CENPB: variants seen among roughly 807,000 people sequenced by gnomAD.
CENPB encodes major centromere autoantigen B.
Under a neutral mutation model 41.9 loss-of-function variants are expected in CENPB, and 19 were observed. That is an observed-to-expected ratio of 0.45 (90% CI 0.32 to 0.67). The LOEUF (loss-of-function observed/expected upper bound fraction) is 0.67. Among genes scored for constraint, CENPB ranks in the 30% least tolerant of loss-of-function variants. The pLI, the probability that CENPB is intolerant of heterozygous loss-of-function variation, is 0.04. For missense variants in CENPB, 614 were observed against 816.2 expected (o/e 0.75, Z 3.02); for synonymous variants, 399 against 354.4 (o/e 1.13, Z -1.41).
In CENPB at chr20:3,785,455, G is replaced by A. The variant is rs773378239; in HGVS notation, c.1029C>T (p.Leu343=). The A allele has an allele frequency of 1.3e-6, 2 of 1,589,698 alleles. No individual in the cohort carries two copies. Among genetic ancestry groups the A allele is most frequent in the Non-Finnish European group, 1.7e-6 (2 of 1,168,464 alleles). The change falls in exon 1 of 1, where the codon CTC becomes CTT. Residue 343 remains leucine, a synonymous_variant. Coordinates refer to ENST00000379751, the MANE Select transcript of CENPB (RefSeq NM_001810.6). The part of the protein sequence containing the change: ...VKGHYRQAML[L]KAMAALEGQD... Reference sequence around the variant, plus strand: ...GGCCCTCTAGCGCGGCCATGGCCTTGAGCAGCATGGCCTGGCGGTAGTGGC... The same window carrying A: ...GGCCCTCTAGCGCGGCCATGGCCTTAAGCAGCATGGCCTGGCGGTAGTGGC...
chr20:3,785,101 C>T lies in CENPB; in HGVS notation c.1383G>A (p.Glu461=), dbSNP rs1419621208. Residue 461 remains glutamate, a synonymous_variant, in exon 1 of 1, where the codon GAG becomes GAA. Coordinates refer to ENST00000379751, the MANE Select transcript of CENPB (RefSeq NM_001810.6). ...CCTCCGAGGAGCTCTCCTCATCTTC[C>T]TCCTCTTCTTCATCACTATCAACAT... ...EGDVDSDEEE[E]EDEESSSEGL... The T allele has an allele frequency of 8.7e-6, 14 of 1,610,530 alleles. No individual in the cohort carries two copies. Among genetic ancestry groups the T allele is most frequent in the Admixed American group, 3.4e-5 (2 of 59,636 alleles).
Position 3,786,213 on chromosome 20 carries a change from C to T in CENPB, c.271G>A (p.Ala91Thr). The T allele has an allele frequency of 1.2e-6, 2 of 1,602,088 alleles. No individual in the cohort carries two copies. Among genetic ancestry groups the T allele is most frequent in the Non-Finnish European group, 1.7e-6 (2 of 1,179,396 alleles). Residue 91 changes from alanine (A) to threonine (T), a missense_variant, in exon 1 of 1, where the codon GCC becomes ACC. This residue lies in a region of CENPB where 77 missense variants were observed against 186.8 expected (regional missense o/e 0.41). Coordinates refer to ENST00000379751, the MANE Select transcript of CENPB (RefSeq NM_001810.6). ...LIAWFQQIRA[A>T]GLPVKGIILK... The stretch of plus-strand genomic sequence containing the variant: ...ATGATGCCCTTGACCGGCAGGCCGG[C>T]GGCGCGGATCTGCTGGAACCAGGCG...
chr20:3,784,604 G>C lies in CENPB; in HGVS notation c.*80C>G. Reference sequence around the variant, plus strand: ...CTGGGGCTCTGCACTCTGGCTCCATGCACAGCGGGTGCCCAGAGAGTCCTC... The same window carrying C: ...CTGGGGCTCTGCACTCTGGCTCCATCCACAGCGGGTGCCCAGAGAGTCCTC... On this transcript the variant is annotated 3_prime_UTR_variant, in exon 1 of 1. Coordinates refer to ENST00000379751, the MANE Select transcript of CENPB (RefSeq NM_001810.6). This position sits in a 1 kb window ranked among gnomAD's most constrained non-coding sequence, Gnocchi z 5.2. The C allele has an allele frequency of 6.6e-7, 1 of 1,517,572 alleles. No homozygotes were observed. Among genetic ancestry groups the C allele is most frequent in the Non-Finnish European group, 9.0e-7 (1 of 1,110,220 alleles). 94.0% of individuals were successfully genotyped at this position (1,517,572 alleles called of 1,614,324 possible).
chr20:3,784,869 C>A lies in CENPB; in HGVS notation c.1615G>T (p.Val539Leu), dbSNP rs779328212. 1.5e-5 allele frequency: 25 copies of A among 1,614,004 alleles called. 1 individual carries two copies. The South Asian group carries it at 2.3e-4, about 15-fold the overall frequency. ...GCCTCCCCAAAGCTGGGTACAGGCA[C>A]CTCATCACCATCCTCCTCATCATCA... ...DDDDEEDGDE[V>L]PVPSFGEAMA... Residue 539 changes from valine (V) to leucine (L), a missense_variant, in exon 1 of 1, where the codon GTG becomes TTG. Coordinates refer to ENST00000379751, the MANE Select transcript of CENPB (RefSeq NM_001810.6). This position sits in a 1 kb window ranked among gnomAD's most constrained non-coding sequence, Gnocchi z 5.2.
In CENPB at chr20:3,784,929, C is replaced by G. The variant is rs1167453032; in HGVS notation, c.1555G>C (p.Asp519His). 5.0e-6 allele frequency: 8 copies of G among 1,613,840 alleles called. No individual in the cohort carries two copies. The highest frequency in any genetic ancestry group is 6.8e-6 in the Non-Finnish European group (8 of 1,179,746). Reference protein sequence around the residue: ...DSDSDSEEEDDEEEDDEDEDD... With the variant: ...DSDSDSEEEDHEEEDDEDEDD... ...TCATCTTCATCATCCTCTTCCTCAT[C>G]GTCCTCTTCCTCACTGTCTGAATCA... Residue 519 changes from aspartate (D) to histidine (H), a missense_variant, in exon 1 of 1, where the codon GAT (aspartate) becomes CAT (histidine). This residue lies in a region of CENPB where 537 missense variants were observed against 629.4 expected (regional missense o/e 0.85). Transcript: ENST00000379751. This position sits in a 1 kb window ranked among gnomAD's most constrained non-coding sequence, Gnocchi z 5.2.
chr20:3,784,242 T>G lies in CENPB; in HGVS notation c.*442A>C. 5.4e-6 allele frequency: 1 copy of G among 185,010 alleles called. No individual in the cohort carries two copies. The highest frequency in any genetic ancestry group is 1.2e-5 in the Non-Finnish European group (1 of 86,620). The allele number at this position is 185,010 out of a possible 1,614,324, so 11.5% of individuals were successfully genotyped here. Reference sequence around the variant, plus strand: ...GGGGCTGCCAGCCTTGCAGGGGGCCTAGGCTGGACCTTCTTCTGGAGCCCT... The same window carrying G: ...GGGGCTGCCAGCCTTGCAGGGGGCCGAGGCTGGACCTTCTTCTGGAGCCCT... On this transcript the variant is annotated 3_prime_UTR_variant, in exon 1 of 1. Coordinates refer to ENST00000379751, the MANE Select transcript of CENPB (RefSeq NM_001810.6). This position sits in a 1 kb window ranked among gnomAD's most constrained non-coding sequence, Gnocchi z 5.2.
chr20:3,784,685 C>G lies in CENPB; in HGVS notation c.1799G>C (p.Ter600SerextTer38), dbSNP rs767027838. Reference protein sequence around the residue: ...AGVRGLGHQS* With the variant: ...AGVRGLGHQSS ...GGGGGCACAGCTAGGTCCAGTGACT[C>G]AGCTTTGATGTCCAAGACCTCGAAC... is the stretch of plus-strand genomic sequence containing the variant. The change falls in exon 1 of 1, where the codon TGA (stop) becomes TCA (serine). Residue 600 changes from the stop codon to serine (S), a stop_lost. Coordinates refer to ENST00000379751, the MANE Select transcript of CENPB (RefSeq NM_001810.6). The surrounding 1 kb of genome is among the most constrained non-coding windows in gnomAD (Gnocchi z 5.2). 1 of 1,613,852 alleles carries G rather than the reference C, an allele frequency of 6.2e-7. No homozygotes were observed. Among genetic ancestry groups the G allele is most frequent in the Non-Finnish European group, 8.5e-7 (1 of 1,179,886 alleles).
rs1219717855 is a variant in CENPB at position 3,785,920 on chromosome 20, C to A, written c.564G>T (p.Ser188=). Residue 188 remains serine, a synonymous_variant, in exon 1 of 1, where the codon TCG becomes TCT. Transcript: ENST00000379751. ...QPPSVAEGYA[S]QDVFSATETS... ...TCTCGGTGGCGCTGAACACGTCCTG[C>A]GAGGCGTAGCCCTCGGCCACCGACG... 3.8e-6 allele frequency: 6 copies of A among 1,594,950 alleles called. No homozygotes were observed. The highest frequency in any genetic ancestry group is 5.1e-6 in the Non-Finnish European group (6 of 1,174,088).
rs975691838 is a variant in CENPB, at chr20:3,786,048, C to T, written c.436G>A (p.Ala146Thr). The T allele has an allele frequency of 4.0e-6, 6 of 1,491,564 alleles. No individual in the cohort carries two copies. Among genetic ancestry groups the T allele is most frequent in the Non-Finnish European group, 5.3e-6 (6 of 1,135,476 alleles). 92.4% of individuals were successfully genotyped at this position (1,491,564 alleles called of 1,614,324 possible). A position where few individuals can be genotyped will look rare whatever the true frequency, so the allele number is the denominator to read the frequency against. The change falls in exon 1 of 1, where the codon GCT becomes ACT. Residue 146 changes from alanine to threonine, a missense_variant. Around this residue, in one of 2 missense-constraint regions of CENPB, gnomAD observed 537 missense variants for 629.4 expected, o/e 0.85. Transcript: ENST00000379751. ...SGVARARARN[A>T]APRTPAAPAS... The stretch of plus-strand genomic sequence containing the variant: ...GGCGCCGCCGGGGTGCGGGGGGCAG[C>T]GTTTCGCGCGCGGGCGCGGGCCACG...
In CENPB at chr20:3,786,667, C is replaced by T. The variant is rs866656349; in HGVS notation, c.-184G>A. The T allele has an allele frequency of 3.2e-3, 472 of 145,990 alleles. 1 individual carries two copies. Among genetic ancestry groups the T allele is most frequent in the Middle Eastern group, 0.025 (7 of 280 alleles). 9.0% of individuals were successfully genotyped at this position (145,990 alleles called of 1,614,324 possible). A position where few individuals can be genotyped will look rare whatever the true frequency, so the allele number is the denominator to read the frequency against. ...CCGGGGGCACCTCCGGGGACGCCGG[C>T]GGGCGCGTCGCCGGGCGGCGGGCGG... On this transcript the variant is annotated 5_prime_UTR_variant, in exon 1 of 1. Coordinates refer to ENST00000379751, the MANE Select transcript of CENPB (RefSeq NM_001810.6).
Position 3,785,570 on chromosome 20 carries a change from T to A in CENPB, c.914A>T (p.Asp305Val). Residue 305 changes from aspartate to valine, a missense_variant, in exon 1 of 1, where the codon GAC (aspartate) becomes GTC (valine). By Grantham distance (152) the Asp-to-Val change is radical. Coordinates refer to ENST00000379751, the MANE Select transcript of CENPB (RefSeq NM_001810.6). ...CTGCACATGCCGCAGGCCCGAGGTGTCCAAGGACTGGGCAGCCAAGCGGCC... is the reference window on the plus strand; with the variant it reads ...CTGCACATGCCGCAGGCCCGAGGTGACCAAGGACTGGGCAGCCAAGCGGCC... ...LAGRLAAQSLDTSGLRHVQLA... is the reference protein window; with the variant it reads ...LAGRLAAQSLVTSGLRHVQLA... 1 of 1,601,014 alleles carries A rather than the reference T, an allele frequency of 6.2e-7. No homozygotes were observed.
Position 3,784,574 on chromosome 20 carries a change from A to T in CENPB, c.*110T>A. On this transcript the variant is annotated 3_prime_UTR_variant, in exon 1 of 1. Transcript: ENST00000379751. This position sits in a 1 kb window ranked among gnomAD's most constrained non-coding sequence, Gnocchi z 5.2. ...GCAGGACCAGGGGAAGCATTACTAA[A>T]GGATCTGGGGCTCTGCACTCTGGCT... The T allele has an allele frequency of 7.6e-7, 1 of 1,310,198 alleles. No individual in the cohort carries two copies. The highest frequency in any genetic ancestry group is 1.5e-5 in the African/African-American group (1 of 67,972). The allele number at this position is 1,310,198 out of a possible 1,614,324, so 81.2% of individuals were successfully genotyped here.
At position 3,786,091 on chromosome 20, in the gene CENPB, G is replaced by T; in HGVS notation, c.393C>A (p.Gly131=). ...GGGCCACGCCGCTGCAGGACACCAC[G>T]CCGTGGCGCCGGCGGAAGCGGTCCA... The part of the protein sequence containing the change: ...GWLDRFRRRH[G]VVSCSGVARA... The change falls in exon 1 of 1, where the codon GGC becomes GGA. Residue 131 remains glycine (G), a synonymous_variant. Coordinates refer to ENST00000379751, the MANE Select transcript of CENPB (RefSeq NM_001810.6). 6.3e-7 allele frequency: 1 copy of T among 1,592,560 alleles called. No individual in the cohort carries two copies.
At position 3,785,188 on chromosome 20, in the gene CENPB, CTCCTCCTCCCCT is replaced by C. The variant is rs1349440817; in HGVS notation, c.1284_1295del (p.Gly429_Glu432del). On this transcript the variant is annotated inframe_deletion, in exon 1 of 1. Transcript: ENST00000379751. ...CCTCTCCTTCCCCCCCTTCCTCCTC[CTCCTCCTCCCCT>C]TCCTCCTCCTCTTCCTCTCCTTCAC... is the stretch of plus-strand genomic sequence containing the variant. 1.5e-6 allele frequency: 2 copies of C among 1,307,940 alleles called. No homozygotes were observed. The highest frequency in any genetic ancestry group is 2.0e-6 in the Non-Finnish European group (2 of 991,914). The allele number at this position is 1,307,940 out of a possible 1,614,324, so 81.0% of individuals were successfully genotyped here. A position where few individuals can be genotyped will look rare whatever the true frequency, so the allele number is the denominator to read the frequency against.
Position 3,786,317 on chromosome 20 carries a change from T to A in CENPB, c.167A>T (p.Glu56Val). Residue 56 changes from glutamate to valine, a missense_variant, in exon 1 of 1, where the codon GAG becomes GTG. This residue lies in a region of CENPB where 77 missense variants were observed against 186.8 expected (regional missense o/e 0.41). Coordinates refer to ENST00000379751, the MANE Select transcript of CENPB (RefSeq NM_001810.6). ...LKNKRAILAS[E>V]RKYGVASTCR... Reference sequence around the variant, plus strand: ...GGTGGAGGCCACCCCGTACTTGCGCTCCGACGCCAGGATGGCGCGCTTGTT... The same window carrying A: ...GGTGGAGGCCACCCCGTACTTGCGCACCGACGCCAGGATGGCGCGCTTGTT... The A allele has an allele frequency of 6.2e-7, 1 of 1,607,342 alleles. No individual in the cohort carries two copies. The highest frequency in any genetic ancestry group is 8.5e-7 in the Non-Finnish European group (1 of 1,179,746).
At position 3,783,911 on chromosome 20, in the gene CENPB, T is replaced by C. The variant is rs2088796522; in HGVS notation, c.*773A>G. The stretch of plus-strand genomic sequence containing the variant: ...GTGGACAGATTTATTGAAATCAAAC[T>C]GGGAAAGGAGCAGCTGGACGGCTGG... On this transcript the variant is annotated 3_prime_UTR_variant, in exon 1 of 1. Coordinates refer to ENST00000379751, the MANE Select transcript of CENPB (RefSeq NM_001810.6). The surrounding 1 kb of genome is among the most constrained non-coding windows in gnomAD (Gnocchi z 4.2). 1 of 152,208 alleles carries C rather than the reference T, an allele frequency of 6.6e-6. No individual in the cohort carries two copies. The highest frequency in any genetic ancestry group is 1.5e-5 in the Non-Finnish European group (1 of 68,116). 9.4% of individuals were successfully genotyped at this position (152,208 alleles called of 1,614,324 possible). A position where few individuals can be genotyped will look rare whatever the true frequency, so the allele number is the denominator to read the frequency against.
Position 3,786,508 on chromosome 20 carries a change from C to A in CENPB, c.-25G>T. 2 of 1,022,942 alleles carry A rather than the reference C, an allele frequency of 2.0e-6. No individual in the cohort carries two copies. The highest frequency in any genetic ancestry group is 2.4e-6 in the Non-Finnish European group (2 of 832,234). 63.4% of individuals were successfully genotyped at this position (1,022,942 alleles called of 1,614,324 possible). On this transcript the variant is annotated 5_prime_UTR_variant, in exon 1 of 1. Transcript: ENST00000379751. ...TCCCGGCGCGCCCCCCGCCCCGGGG[C>A]CCGGCGCCGCCGCCGCCGCCCCGGG...
Position 3,786,072 on chromosome 20 carries a change from C to G in CENPB, c.412G>C (p.Val138Leu), listed in dbSNP as rs2088821712. 1 of 1,565,514 alleles carries G rather than the reference C, an allele frequency of 6.4e-7. No homozygotes were observed. Among genetic ancestry groups the G allele is most frequent in the South Asian group, 1.1e-5 (1 of 88,586 alleles). The stretch of plus-strand genomic sequence containing the variant: ...GCGTTTCGCGCGCGGGCGCGGGCCA[C>G]GCCGCTGCAGGACACCACGCCGTGG... ...RRHGVVSCSG[V>L]ARARARNAAP... The change falls in exon 1 of 1, where the codon GTG (valine) becomes CTG (leucine). Residue 138 changes from valine (V) to leucine (L), a missense_variant. Coordinates refer to ENST00000379751, the MANE Select transcript of CENPB (RefSeq NM_001810.6).
rs769041412 is a variant in CENPB at position 3,784,867 on chromosome 20, C to T, written c.1617G>A (p.Val539=). 1 of 1,613,896 alleles carries T rather than the reference C, an allele frequency of 6.2e-7. No individual in the cohort carries two copies. Among genetic ancestry groups the T allele is most frequent in the African/African-American group, 1.3e-5 (1 of 74,878 alleles). ...TGGCCTCCCCAAAGCTGGGTACAGGCACCTCATCACCATCCTCCTCATCAT... is the reference window on the plus strand; with the variant it reads ...TGGCCTCCCCAAAGCTGGGTACAGGTACCTCATCACCATCCTCCTCATCAT... ...DDDDEEDGDE[V]PVPSFGEAMA... Residue 539 remains valine, a synonymous_variant, in exon 1 of 1, where the codon GTG becomes GTA. Transcript: ENST00000379751. The surrounding 1 kb of genome is among the most constrained non-coding windows in gnomAD (Gnocchi z 5.2).
Sources: gnomAD v4.1 joint callset for allele counts on GRCh38, gnomAD v4.1.1 for gene constraint, gnomAD v4.1.1 regional missense constraint, Gnocchi (gnomAD v3.1) non-coding constraint, MANE v1.5 for transcripts, NCBI Gene and HGNC (gene_info 2026-07-23, HGNC 2026-07-21) for gene names.